Variants in PDGFD observed in about 807,000 individuals in gnomAD.
PDGFD encodes platelet-derived growth factor D.
In PDGFD, 30 loss-of-function variants were observed where a neutral mutation model predicts 44.7. The ratio of observed to expected loss-of-function variants is 0.67; its 90% confidence interval spans 0.50 to 0.91. The LOEUF (loss-of-function observed/expected upper bound fraction) is 0.91. Among genes scored for constraint, PDGFD ranks in the 40% least tolerant of loss-of-function variants. The pLI is 0.00. For synonymous variants in PDGFD, 173 were observed against 168.4 expected, an observed-to-expected ratio of 1.03 and a Z score of -0.21; for missense variants, 445 against 457.8, an observed-to-expected ratio of 0.97 and a Z score of 0.25.
At chr11:103,945,702 G>A (rs968195604) in intron 4 of PDGFD, 1 of 152,174 alleles carries the variant, frequency 6.6e-6, no homozygotes, top group Non-Finnish European at 1.5e-5. Flanking sequence ...AGTTCTCCAG[G>A]GTGGCTCCCA....
At chr11:103,946,800 C>T (rs1361611815) in intron 4 of PDGFD, among the ~76,000 whole-genome samples, 2 of 152,174 alleles carry the variant, frequency 1.3e-5, no homozygotes, top group African/African-American at 4.8e-5. Context: ...AGTCCAGCAT[C>T]CATACCAGGT....
At position 103,982,239 on chromosome 11, in the gene PDGFD, ACT is replaced by A. The variant is rs983556058; in HGVS notation, c.510+13824_510+13825del. Among the ~76,000 whole-genome samples the A allele has an allele frequency of 3.3e-5, 5 of 151,774 alleles. 1 individual carries two copies. The highest frequency in any genetic ancestry group is 1.2e-4 in the African/African-American group (5 of 41,106). ...GACATAAATGATGGTCTCTTTATAT[ACT>A]GTCACTTAATATGTCATTGGGGATA... is the stretch of plus-strand genomic sequence containing the variant. On this transcript the variant is annotated intron_variant, in intron 3 of 6. Coordinates refer to ENST00000393158, the MANE Select transcript of PDGFD (RefSeq NM_025208.5).
intron 1 of PDGFD, among the ~76,000 whole-genome samples, chr11:104,146,662 C>T (rs865775476): frequency 2.0e-5 from 3 of 152,274 alleles, no homozygotes; most frequent in South Asian, 2.1e-4. Flanking sequence ...GGGCCTGAAG[C>T]GTAAGCCTCA....
rs571164768 is a variant in PDGFD at position 103,915,736 on chromosome 11, A to C, written c.988-5917T>G. Reference sequence around the variant, plus strand: ...ACCAAAACTGCATGGTACTGGTACCAAAACAGATATATAGACCAATGGAAC... The same window carrying C: ...ACCAAAACTGCATGGTACTGGTACCCAAACAGATATATAGACCAATGGAAC... On this transcript the variant is annotated intron_variant, in intron 6 of 6. Coordinates refer to ENST00000393158, the MANE Select transcript of PDGFD (RefSeq NM_025208.5). 8.5e-5 allele frequency among the ~76,000 whole-genome samples: 13 copies of C among 152,360 alleles called. No homozygotes were observed. In the East Asian group the frequency reaches 2.5e-3, roughly 29 times the overall value.
chr11:104,074,592 C>T (rs1191321290), intron 1 of PDGFD, among the ~76,000 whole-genome samples: 3 of 152,136 alleles, frequency 2.0e-5, no homozygotes, highest in African/African-American at 7.2e-5. Context: ...CAGGCACACA[C>T]AACCAATGAA....
rs367724536 is a variant in PDGFD at position 104,016,383 on chromosome 11, A to G, written c.125-16128T>C. Among the ~76,000 whole-genome samples the G allele has an allele frequency of 2.8e-4, 43 of 152,350 alleles. 1 individual carries two copies. The highest frequency in any genetic ancestry group is 9.1e-4 in the African/African-American group (38 of 41,590). ...GGCCTTTCTTGACATATTTCTAAATATCTTTTTAAGAAAGCGGAGCCTTTC... is the reference window on the plus strand; with the variant it reads ...GGCCTTTCTTGACATATTTCTAAATGTCTTTTTAAGAAAGCGGAGCCTTTC... On this transcript the variant is annotated intron_variant, in intron 1 of 6. Transcript: ENST00000393158.
intron 1 of PDGFD, among the ~76,000 whole-genome samples, chr11:104,102,300 T>C (rs1357431070): frequency 1.3e-5 from 2 of 152,114 alleles, no homozygotes; most frequent in Non-Finnish European, 2.9e-5. Context: ...AAGAAGACAT[T>C]TATGCAGCCA....
chr11:104,088,678 T>G (rs113879177), intron 1 of PDGFD, among the ~76,000 whole-genome samples: 16 of 152,286 alleles, frequency 1.1e-4, no homozygotes, highest in African/African-American at 3.6e-4. Flanking sequence ...CAGGTAACTT[T>G]GGAAGGACTC....
chr11:104,070,241 G>A (rs1441875655), intron 1 of PDGFD, among the ~76,000 whole-genome samples: 2 of 152,156 alleles, frequency 1.3e-5, no homozygotes, highest in Non-Finnish European at 2.9e-5. Context: ...TACTAAGTGT[G>A]TTAATTCCTA....
intron 1 of PDGFD, among the ~76,000 whole-genome samples, chr11:104,076,802 T>C (rs910524204): frequency 6.6e-6 from 1 of 152,188 alleles, no homozygotes; most frequent in Admixed American, 6.5e-5. Flanking sequence ...GCCCTTCTCT[T>C]TCTTCTCTCT....
At chr11:104,014,547 ACCT>A (rs555652763) in intron 1 of PDGFD, among the ~76,000 whole-genome samples, 163 of 152,260 alleles carry the variant, frequency 1.1e-3, no homozygotes, top group African/African-American at 3.7e-3. Context: ...TTCTTGTGGG[ACCT>A]CCTACGGTAA....
chr11:103,982,460 T>G (rs995188854), intron 3 of PDGFD, among the ~76,000 whole-genome samples: 11 of 151,448 alleles, frequency 7.3e-5, no homozygotes, highest in African/African-American at 2.7e-4. Flanking sequence ...ATGTGGGTTT[T>G]TATGGATTAA....
At chr11:104,019,056 C>A (rs1859910054) in intron 1 of PDGFD, among the ~76,000 whole-genome samples, 1 of 152,180 alleles carries the variant, frequency 6.6e-6, no homozygotes, top group Non-Finnish European at 1.5e-5. Context: ...CAGGAAAACT[C>A]TTCTTTTATT....
intron 1 of PDGFD, among the ~76,000 whole-genome samples, chr11:104,050,464 T>C (rs952677459): frequency 2.0e-5 from 3 of 152,110 alleles, no homozygotes; most frequent in Admixed American, 6.5e-5. Context: ...CTAAAACATT[T>C]AAATGAAAAG....
rs1325828299 is a variant in PDGFD at position 104,103,460 on chromosome 11, G to GTA, written c.124+60343_124+60344insTA. Among the ~76,000 whole-genome samples, 7 of 61,486 alleles carry GTA rather than the reference G, an allele frequency of 1.1e-4. No homozygotes were observed. The East Asian group carries it at 3.1e-3, about 27-fold the overall frequency. The allele number at this position is 61,486 out of a possible 152,430, so 40.3% of individuals were successfully genotyped here. Reference sequence around the variant, plus strand: ...AAAACAGACAATTATGTGTGTGTGTGTGTATATATATATATATATATATAT... The same window carrying GTA: ...AAAACAGACAATTATGTGTGTGTGTGTATGTATATATATATATATATATATAT... On this transcript the variant is annotated intron_variant, in intron 1 of 6. Coordinates refer to ENST00000393158, the MANE Select transcript of PDGFD (RefSeq NM_025208.5).
chr11:103,947,235 T>C (rs1202567112), intron 4 of PDGFD, among the ~76,000 whole-genome samples: 2 of 152,198 alleles, frequency 1.3e-5, no homozygotes, highest in Non-Finnish European at 2.9e-5. Context: ...CTGTAAACAT[T>C]GGGATTTTTC....
chr11:104,083,658 T>C (rs1008851092), intron 1 of PDGFD, among the ~76,000 whole-genome samples: 1 of 152,328 alleles, frequency 6.6e-6, no homozygotes, highest in South Asian at 2.1e-4. Context: ...AATTAGCCCA[T>C]GATAATCTTG....
intron 1 of PDGFD, among the ~76,000 whole-genome samples, chr11:104,075,488 T>A (rs1472108940): frequency 2.6e-5 from 4 of 152,090 alleles, no homozygotes; most frequent in Admixed American, 2.6e-4. Flanking sequence ...TTTGCTAGTT[T>A]TTAAATTTTT....
intron 1 of PDGFD, among the ~76,000 whole-genome samples, chr11:104,004,351 T>C (rs1338989708): frequency 6.6e-6 from 1 of 152,180 alleles, no homozygotes; most frequent in Non-Finnish European, 1.5e-5. Flanking sequence ...CATACAGACT[T>C]TTTTTCTTGG....
Sources: gnomAD v4.1 joint callset for allele counts (sites outside exome capture counted in the v4.1 genomes callset) on GRCh38, gnomAD v4.1.1 for gene constraint, MANE v1.5 for transcripts, NCBI Gene and HGNC (gene_info 2026-07-23, HGNC 2026-07-21) for gene names.